Variants in SLC44A2 observed in about 807,000 individuals in gnomAD.
SLC44A2 encodes choline transporter-like protein 2.
SLC44A2 carries 57 observed loss-of-function variants against 90.8 expected under a neutral mutation model. The observed-to-expected ratio is 0.63, with a 90% CI of 0.51 to 0.78. The LOEUF is 0.78. Ranked by LOEUF, SLC44A2 falls within the 30% of genes least tolerant of loss-of-function variation. The pLI is 0.00. For missense variants in SLC44A2, 794 were observed against 919.7 expected, an observed-to-expected ratio of 0.86 and a Z score of 1.77; for synonymous variants, 355 against 360.7, an observed-to-expected ratio of 0.98 and a Z score of 0.18.
intron 16 of SLC44A2, chr19:10,637,045 G>A: frequency 5.3e-6 from 2 of 380,086 alleles, no homozygotes; most frequent in South Asian, 7.9e-5. Flanking sequence ...TATTTGCGCT[G>A]AAGAGAGCAG....
intron 1 of SLC44A2, among the ~76,000 whole-genome samples, chr19:10,605,865 A>G (rs1918088103): frequency 6.6e-6 from 1 of 151,060 alleles, no homozygotes; most frequent in African/African-American, 2.4e-5. Flanking sequence ...ATGGTGGTGC[A>G]CATCTGTAAT....
rs1242899621 is a variant in SLC44A2 at position 10,635,081 on chromosome 19, G to A, written c.1055+8G>A. Reference sequence around the variant, plus strand: ...CATCAAAGAAGCCAGCAGGTGGGGGGCCAGGGTGCCAGGGGCCAGGATGGA... The same window carrying A: ...CATCAAAGAAGCCAGCAGGTGGGGGACCAGGGTGCCAGGGGCCAGGATGGA... On this transcript the variant is annotated splice_region_variant and intron_variant, in intron 12 of 21. Coordinates refer to ENST00000335757, the MANE Select transcript of SLC44A2 (RefSeq NM_020428.4). The A allele has an allele frequency of 6.2e-7, 1 of 1,613,938 alleles. No individual in the cohort carries two copies. Among genetic ancestry groups the A allele is most frequent in the African/African-American group, 1.3e-5 (1 of 75,032 alleles).
chr19:10,635,384 C>G, intron 13 of SLC44A2, 47 bp from the exon 14 acceptor site: 3 of 1,610,692 alleles, frequency 1.9e-6, no homozygotes, highest in Non-Finnish European at 1.7e-6. Context: ...CACAAAAGTC[C>G]CTGGGGTCCT....
In SLC44A2 at chr19:10,636,753, A is replaced by C; in HGVS notation, c.1588A>C (p.Lys530Gln). Residue 530 changes from lysine (K) to glutamine (Q), a missense_variant, in exon 16 of 22, where the codon AAA becomes CAA. Transcript: ENST00000335757. ...VILEYLDQRL[K>Q]AAENKFAKCL... ...ACTCGAGTACCTGGATCAGCGGCTG[A>C]AAGGTACGTCCCACCCACGGTTCGC... 6.2e-7 allele frequency: 1 copy of C among 1,613,342 alleles called. No homozygotes were observed. Among genetic ancestry groups the C allele is most frequent in the South Asian group, 1.1e-5 (1 of 90,962 alleles).
chr19:10,641,838 C>T (rs928238742), intron 20 of SLC44A2, among the ~76,000 whole-genome samples: 5 of 144,796 alleles, frequency 3.5e-5, no homozygotes, highest in African/African-American at 1.0e-4. Context: ...AGAGTGAGAC[C>T]GTGAGACCCT....
At chr19:10,640,557 G>T (rs532030367) in intron 20 of SLC44A2, among the ~76,000 whole-genome samples, 2 of 152,098 alleles carry the variant, frequency 1.3e-5, no homozygotes, top group Admixed American at 1.3e-4. Context: ...CTGCCAAAGT[G>T]CAAGGACTAC....
intron 1 of SLC44A2, among the ~76,000 whole-genome samples, chr19:10,613,134 T>G (rs375319621): frequency 6.6e-6 from 1 of 151,630 alleles, no homozygotes; most frequent in African/African-American, 2.4e-5. Flanking sequence ...CACAGCTCAC[T>G]GCAGCCTCTG....
At chr19:10,620,481 C>A (rs1006857759) in intron 1 of SLC44A2, among the ~76,000 whole-genome samples, 10 of 152,016 alleles carry the variant, frequency 6.6e-5, no homozygotes, top group Non-Finnish European at 1.3e-4. Context: ...AAACAAAAAA[C>A]GCAAATTAAT....
At chr19:10,625,053 G>C (rs1489576137), upstream of SLC44A2, among the ~76,000 whole-genome samples, 1 of 152,066 alleles carries the variant, frequency 6.6e-6, no homozygotes, top group Non-Finnish European at 1.5e-5. Flanking sequence ...AGGATGGCTT[G>C]AGGCAGGGAG....
At chr19:10,616,657 G>A (rs1372088080) in intron 1 of SLC44A2, among the ~76,000 whole-genome samples, 4 of 151,932 alleles carry the variant, frequency 2.6e-5, no homozygotes, top group African/African-American at 9.7e-5. Flanking sequence ...CTGAGGTCAG[G>A]AGTTCAAGAC....
At chr19:10,612,270 T>A (rs79983015) in intron 1 of SLC44A2, among the ~76,000 whole-genome samples, 1,721 of 150,788 alleles carry the variant, frequency 0.011, 31 homozygotes, top group African/African-American at 0.04. Context: ...CACTAGGGAG[T>A]CTGAGGCGGG....
At chr19:10,634,137 A>ATTTTTTTT (rs1177075276) in intron 10 of SLC44A2, among the ~76,000 whole-genome samples, 3,243 of 79,780 alleles carry the variant, frequency 0.041, no homozygotes, top group Non-Finnish European at 0.046. Flanking sequence ...CGCCCAGCTA[A>ATTTTTTTT]TTTTTTTTTT....
chr19:10,634,124 C>A (rs2067026380), intron 10 of SLC44A2, among the ~76,000 whole-genome samples: 1 of 148,090 alleles, frequency 6.8e-6, no homozygotes, highest in Non-Finnish European at 1.5e-5. Flanking sequence ...GCGCCCACCA[C>A]CACGCCCAGC....
chr19:10,640,223 TG>T (rs1042685395), intron 20 of SLC44A2, among the ~76,000 whole-genome samples: 10 of 151,602 alleles, frequency 6.6e-5, no homozygotes, highest in African/African-American at 2.4e-4. Context: ...CCTGACTAGC[TG>T]GGATTACAGG....
At chr19:10,632,219 GT>G in intron 10 of SLC44A2, 63 bp downstream of exon 10, 1 of 1,446,574 alleles carries the variant, frequency 6.9e-7, no homozygotes, top group Non-Finnish European at 9.7e-7. Flanking sequence ...GCCCTTTCCC[GT>G]GGAAATGGCC....
chr19:10,632,246 A>G (rs2067004958), intron 10 of SLC44A2, 90 bp downstream of exon 10: 1 of 1,261,906 alleles, frequency 7.9e-7, no homozygotes, highest in African/African-American at 1.5e-5. Flanking sequence ...GGAAAACAAA[A>G]AAAAGTCAGG....
chr19:10,618,421 G>C (rs2885055), intron 1 of SLC44A2, among the ~76,000 whole-genome samples: 1 of 146,796 alleles, frequency 6.8e-6, no homozygotes, highest in African/African-American at 2.5e-5. Flanking sequence ...TGATCTCCCC[G>C]CCTTCGCCTC....
intron 1 of SLC44A2, among the ~76,000 whole-genome samples, chr19:10,617,078 C>G (rs1184789939): frequency 6.6e-6 from 1 of 152,006 alleles, no homozygotes; most frequent in Admixed American, 6.6e-5. Context: ...CTCGCCACCA[C>G]GCCCGGCTAA....
At chr19:10,622,176 TGCC>T (rs2066899222), upstream of SLC44A2, among the ~76,000 whole-genome samples, 1 of 152,126 alleles carries the variant, frequency 6.6e-6, no homozygotes, top group African/African-American at 2.4e-5. Flanking sequence ...GGTCAGACCA[TGCC>T]TGCTGAGCGT....
Sources: gnomAD v4.1 joint callset for allele counts (sites outside exome capture counted in the v4.1 genomes callset) on GRCh38, gnomAD v4.1.1 for gene constraint, MANE v1.5 for transcripts, NCBI Gene and HGNC (gene_info 2026-07-23, HGNC 2026-07-21) for gene names.